SLC9A1: variants seen among roughly 807,000 people sequenced by gnomAD.
SLC9A1 encodes the protein solute carrier family 9 member A1, also known as sodium/hydrogen exchanger 1.
In SLC9A1, 22 loss-of-function variants were observed where a neutral mutation model predicts 67.9. The observed-to-expected ratio is 0.32, with a 90% confidence interval of 0.23 to 0.46. The LOEUF is 0.46. SLC9A1 is among the 20% of genes least tolerant of loss of function. SLC9A1 has a pLI of 1.00. For missense variants in SLC9A1, 686 were observed against 1,094.8 expected (o/e 0.63, Z 5.27); for synonymous variants, 421 against 471.8 (o/e 0.89, Z 1.40).
intron 1 of SLC9A1, among the ~76,000 whole-genome samples, chr1:27,128,814 G>A (rs1418863418): frequency 2.0e-5 from 3 of 151,956 alleles, no homozygotes; most frequent in South Asian, 2.1e-4. Context: ...AAAATTAGCC[G>A]GGCGTAGTGG....
intron 1 of SLC9A1, among the ~76,000 whole-genome samples, chr1:27,147,260 T>TC (rs2083492815): frequency 1.6e-5 from 2 of 121,606 alleles, no homozygotes; most frequent in Non-Finnish European, 3.2e-5. Context: ...AGATCATGCC[T>TC]CTGCACTCCA....
chr1:27,148,069 A>G (rs1167367668), intron 1 of SLC9A1, among the ~76,000 whole-genome samples: 1 of 151,992 alleles, frequency 6.6e-6, no homozygotes, highest in Admixed American at 6.6e-5. Context: ...GCTGGGCAAC[A>G]GAGAGCTGAG....
Position 27,154,250 on chromosome 1 carries a change from G to C in SLC9A1, c.85C>G (p.Leu29Val). 1.2e-6 allele frequency: 2 copies of C among 1,613,932 alleles called. No homozygotes were observed. Among genetic ancestry groups the C allele is most frequent in the Non-Finnish European group, 8.5e-7 (1 of 1,179,896 alleles). The change falls in exon 1 of 12, where the codon CTG becomes GTG. Residue 29 changes from leucine (L) to valine (V), a missense_variant. By Grantham distance (32) the Leu-to-Val change is conservative. Around this residue, in one of 7 missense-constraint regions of SLC9A1, gnomAD observed 143 missense variants for 166.7 expected, o/e 0.86. Coordinates refer to ENST00000263980, the MANE Select transcript of SLC9A1 (RefSeq NM_003047.5). ...AGGCCATGGCTCCTGAGAACAGGCAGCAGCCCCACCAAAGCAACCACCACG... is the reference window on the plus strand; with the variant it reads ...AGGCCATGGCTCCTGAGAACAGGCACCAGCCCCACCAAAGCAACCACCACG... Reference protein sequence around the residue: ...LLVVVALVGLLPVLRSHGLQL... With the variant: ...LLVVVALVGLVPVLRSHGLQL...
Position 27,102,145 on chromosome 1 carries a change from C to T in SLC9A1, c.1821-15G>A. On this transcript the variant is annotated splice_polypyrimidine_tract_variant and intron_variant, in intron 8 of 11. Transcript: ENST00000263980. ...GGTGGATGTTCCTGGGGCAATAGGGCATCGGTTAGGTCCCCAAGATTCTTG... is the reference window on the plus strand; with the variant it reads ...GGTGGATGTTCCTGGGGCAATAGGGTATCGGTTAGGTCCCCAAGATTCTTG... 4 of 1,594,678 alleles carry T rather than the reference C, an allele frequency of 2.5e-6. No individual in the cohort carries two copies. Among genetic ancestry groups the T allele is most frequent in the East Asian group, 2.2e-5 (1 of 44,766 alleles).
At position 27,102,330 on chromosome 1, in the gene SLC9A1, G is replaced by A. The variant is rs77501622; in HGVS notation, c.1820+55C>T. The A allele has an allele frequency of 1.2e-3, 1,790 of 1,547,620 alleles. 21 individuals are homozygous for A. In the African/African-American group the frequency reaches 0.021, roughly 18 times the overall value. On this transcript the variant is annotated intron_variant, in intron 8 of 11. Coordinates refer to ENST00000263980, the MANE Select transcript of SLC9A1 (RefSeq NM_003047.5). Reference sequence around the variant, plus strand: ...CCCCCCAGGTGGCCACCTCCAACCGGGCTTGAGGGGCCGGTGTGTGGGAGC... The same window carrying A: ...CCCCCCAGGTGGCCACCTCCAACCGAGCTTGAGGGGCCGGTGTGTGGGAGC...
chr1:27,139,685 A>G (rs2083442035), intron 1 of SLC9A1, among the ~76,000 whole-genome samples: 1 of 152,084 alleles, frequency 6.6e-6, no homozygotes, highest in South Asian at 2.1e-4. Context: ...AAACATCCCA[A>G]TGAGTTTTAG....
chr1:27,120,880 A>G (rs1411723471), intron 1 of SLC9A1, among the ~76,000 whole-genome samples: 2 of 152,164 alleles, frequency 1.3e-5, no homozygotes, highest in African/African-American at 4.8e-5. Flanking sequence ...ACAGATGAAG[A>G]AATCCAGGTT....
intron 1 of SLC9A1, among the ~76,000 whole-genome samples, chr1:27,130,203 C>T (rs1378541099): frequency 3.3e-5 from 5 of 152,226 alleles, no homozygotes; most frequent in South Asian, 2.1e-4. Context: ...TGGGTTCACG[C>T]GATTGTCCCG....
In SLC9A1 at chr1:27,100,341, C is replaced by G; in HGVS notation, c.2414G>C (p.Gly805Ala). Residue 805 changes from glycine (G) to alanine (A), a missense_variant, in exon 12 of 12, where the codon GGG becomes GCG. Transcript: ENST00000263980. This position sits in a 1 kb window ranked among gnomAD's most constrained non-coding sequence, Gnocchi z 5.6. ...LSDPGPHPEP[G>A]EGEPFFPKGQ is the part of the protein sequence containing the mutation. ...CTTGGGGAAGAACGGTTCTCCCTCC[C>G]CAGGCTCAGGGTGTGGGCCTGGGTC... The G allele has an allele frequency of 3.9e-6, 6 of 1,540,000 alleles. No homozygotes were observed. Among genetic ancestry groups the G allele is most frequent in the Non-Finnish European group, 5.2e-6 (6 of 1,143,258 alleles).
At chr1:27,131,947 A>AAAAATATAT in intron 1 of SLC9A1, among the ~76,000 whole-genome samples, 13 of 52,120 alleles carry the variant, frequency 2.5e-4, no homozygotes, top group Non-Finnish European at 3.5e-4. Flanking sequence ...AGAAAAAAAA[A>AAAAATATAT]ATATATATAT....
Position 27,154,599 on chromosome 1 carries a change from G to C in SLC9A1, c.-265C>G, listed in dbSNP as rs2083553877. 1 of 414,812 alleles carries C rather than the reference G, an allele frequency of 2.4e-6. No homozygotes were observed. Among genetic ancestry groups the C allele is most frequent in the South Asian group, 3.9e-5 (1 of 25,532 alleles). 25.7% of individuals were successfully genotyped at this position (414,812 alleles called of 1,614,324 possible). ...CAAAAGGTCTGGAACTCCGGGCCTGGGAAGGGGGAGGACGGATGTGGGAAA... is the reference window on the plus strand; with the variant it reads ...CAAAAGGTCTGGAACTCCGGGCCTGCGAAGGGGGAGGACGGATGTGGGAAA... On this transcript the variant is annotated 5_prime_UTR_variant, in exon 1 of 12. Coordinates refer to ENST00000263980, the MANE Select transcript of SLC9A1 (RefSeq NM_003047.5).
intron 6 of SLC9A1, 66 bp from the exon 7 acceptor site, chr1:27,102,809 T>C: frequency 1.5e-6 from 2 of 1,375,108 alleles, no homozygotes; most frequent in Non-Finnish European, 2.1e-6. Flanking sequence ...GACCTCTGAC[T>C]AGCCCCACTC....
chr1:27,114,269 T>C lies in SLC9A1; in HGVS notation c.370A>G (p.Thr124Ala). The part of the protein sequence containing the change: ...LMKIGFHVIP[T>A]ISSIVPESCL... ...CTCTCCGGGACGATGCTTGAGATAG[T>C]GGGGATCACATGGAAACCTGCGGAG... Residue 124 changes from threonine to alanine, a missense_variant, in exon 2 of 12, where the codon ACT becomes GCT. Thr to Ala is a moderately conservative substitution (Grantham distance 58, BLOSUM62 0). Coordinates refer to ENST00000263980, the MANE Select transcript of SLC9A1 (RefSeq NM_003047.5). This position sits in a 1 kb window ranked among gnomAD's most constrained non-coding sequence, Gnocchi z 5.4. 6.2e-7 allele frequency: 1 copy of C among 1,609,814 alleles called. No individual in the cohort carries two copies. Among genetic ancestry groups the C allele is most frequent in the Non-Finnish European group, 8.5e-7 (1 of 1,176,500 alleles).
intron 1 of SLC9A1, among the ~76,000 whole-genome samples, chr1:27,146,894 G>A (rs1379977651): frequency 6.6e-6 from 1 of 152,206 alleles, no homozygotes; most frequent in East Asian, 1.9e-4. Flanking sequence ...CCAGCACTTT[G>A]GGGGGCCGGG....
At position 27,149,236 on chromosome 1, in the gene SLC9A1, G is replaced by A. The variant is rs114742540; in HGVS notation, c.352+4747C>T. Among the ~76,000 whole-genome samples, 993 of 152,262 alleles carry A rather than the reference G, an allele frequency of 6.5e-3. 8 individuals carry two copies. The highest frequency in any genetic ancestry group is 0.022 in the African/African-American group (912 of 41,556). ...GTGCAGGGCCATGTGCATCTGCTGCGGGAATGCCAGAGGCAGGAGATGCAG... is the reference window on the plus strand; with the variant it reads ...GTGCAGGGCCATGTGCATCTGCTGCAGGAATGCCAGAGGCAGGAGATGCAG... On this transcript the variant is annotated intron_variant, in intron 1 of 11. Transcript: ENST00000263980.
intron 3 of SLC9A1, among the ~76,000 whole-genome samples, chr1:27,108,884 C>G (rs955956211): frequency 6.6e-6 from 1 of 152,186 alleles, no homozygotes; most frequent in African/African-American, 2.4e-5. Context: ...TGGCATCTGC[C>G]ATTACACAGG....
chr1:27,141,920 C>T (rs1486667127), intron 1 of SLC9A1, among the ~76,000 whole-genome samples: 1 of 152,202 alleles, frequency 6.6e-6, no homozygotes, highest in Non-Finnish European at 1.5e-5. Context: ...AAAAGCACAG[C>T]ACCCAAGTTC....
chr1:27,131,938 G>GAAAA (rs1351315440), intron 1 of SLC9A1, among the ~76,000 whole-genome samples: 367 of 34,976 alleles, frequency 0.01, 6 homozygotes, highest in African/African-American at 0.012. Context: ...AGAAGAAGAA[G>GAAAA]AAAAAAAAAA....
At chr1:27,135,328 C>T (rs2083412875) in intron 1 of SLC9A1, among the ~76,000 whole-genome samples, 1 of 152,108 alleles carries the variant, frequency 6.6e-6, no homozygotes, top group Admixed American at 6.6e-5. Context: ...GCTGGGATTA[C>T]AGGGGTGAGC....
Sources: allele counts gnomAD v4.1 joint callset (sites outside exome capture counted in the v4.1 genomes callset), GRCh38; gene constraint gnomAD v4.1.1; regional missense constraint gnomAD v4.1.1; non-coding constraint Gnocchi (gnomAD v3.1); transcripts MANE v1.5; gene names NCBI Gene and HGNC (gene_info 2026-07-23, HGNC 2026-07-21).